HELZ: variants seen among roughly 807,000 people sequenced by gnomAD.
HELZ encodes the protein ATP-dependent RNA helicase with zinc finger domain.
In HELZ, 23 loss-of-function variants were observed where a neutral mutation model predicts 218.2. The observed-to-expected ratio is 0.11, with a 90% CI of 0.08 to 0.15. The LOEUF is 0.15. Ranked by LOEUF, HELZ falls within the 10% of genes least tolerant of loss-of-function variation. The pLI is 1.00. For synonymous variants in HELZ, 814 were observed against 829.4 expected (o/e 0.98, Z 0.32); for missense variants, 1,813 against 2,353.7 (o/e 0.77, Z 4.75).
At chr17:67,088,566 G>A (rs2036462770) in intron 31 of HELZ, among the ~76,000 whole-genome samples, 1 of 152,196 alleles carries the variant, frequency 6.6e-6, no homozygotes. Context: ...GTGCGGAGAG[G>A]CAGGAAAGCC....
chr17:67,119,605 T>C (rs1332022178), intron 27 of HELZ, among the ~76,000 whole-genome samples: 2 of 152,168 alleles, frequency 1.3e-5, no homozygotes, highest in African/African-American at 4.8e-5. Flanking sequence ...AAGGGTGAAT[T>C]TTACTGTATA....
intron 28 of HELZ, 122 bp from the exon 29 acceptor site, chr17:67,109,808 T>G (rs1388890216): frequency 1.5e-6 from 1 of 654,252 alleles, no homozygotes; most frequent in Non-Finnish European, 2.5e-6. Flanking sequence ...GCAGGAGAGC[T>G]GAGTGCTCAA....
rs116244878 is a variant in HELZ at position 67,135,166 on chromosome 17, G to C, written c.3182+804C>G. Among the ~76,000 whole-genome samples the C allele has an allele frequency of 1.9e-3, 283 of 152,070 alleles. 3 individuals carry two copies. Among genetic ancestry groups the C allele is most frequent in the African/African-American group, 6.4e-3 (267 of 41,478 alleles). ...CTGTTCCTTAAAACTAAAGTCTAAT[G>C]AATACTAATAATGCTACCGAAAGAC... On this transcript the variant is annotated intron_variant, in intron 23 of 32. Transcript: ENST00000358691.
chr17:67,228,031 G>C (rs2040939718), intron 3 of HELZ, among the ~76,000 whole-genome samples: 1 of 151,998 alleles, frequency 6.6e-6, no homozygotes, highest in Admixed American at 6.5e-5. Context: ...TTATACATTT[G>C]CCTATTAGAA....
chr17:67,245,513 A>C, upstream of HELZ: 14 of 985,280 alleles, frequency 1.4e-5, no homozygotes, highest in Non-Finnish European at 1.7e-5. Context: ...GCATTGAATC[A>C]ACCCGAGGTT....
At chr17:67,127,679 T>A (rs752002798) in intron 24 of HELZ, among the ~76,000 whole-genome samples, 7 of 152,088 alleles carry the variant, frequency 4.6e-5, no homozygotes, top group Non-Finnish European at 7.4e-5. Flanking sequence ...AAACCTTGTC[T>A]CTACGAAAAA....
intron 23 of HELZ, among the ~76,000 whole-genome samples, chr17:67,131,151 G>C (rs2037969678): frequency 6.6e-6 from 1 of 152,174 alleles, no homozygotes; most frequent in Non-Finnish European, 1.5e-5. Flanking sequence ...ACCTCTCAAA[G>C]TGCTAGGATT....
At chr17:67,219,456 A>G (rs2040687749) in intron 3 of HELZ, among the ~76,000 whole-genome samples, 1 of 152,258 alleles carries the variant, frequency 6.6e-6, no homozygotes, top group Admixed American at 6.5e-5. Context: ...ATGAACAATT[A>G]CAAAAAAGAC....
chr17:67,097,164 CTGAT>C (rs1204932247), intron 31 of HELZ, among the ~76,000 whole-genome samples: 3 of 152,190 alleles, frequency 2.0e-5, no homozygotes, highest in Non-Finnish European at 4.4e-5. Flanking sequence ...ACACATAACA[CTGAT>C]TGCTCAAAAA....
At position 67,178,963 on chromosome 17, in the gene HELZ, G is replaced by C. The variant is rs768286927; in HGVS notation, c.1163-37C>G. 58 of 1,420,186 alleles carry C rather than the reference G, an allele frequency of 4.1e-5. 1 individual carries two copies. The highest frequency in any genetic ancestry group is 5.4e-5 in the Non-Finnish European group (56 of 1,044,614). The allele number at this position is 1,420,186 out of a possible 1,614,324, so 88.0% of individuals were successfully genotyped here. A position where few individuals can be genotyped will look rare whatever the true frequency, so the allele number is the denominator to read the frequency against. On this transcript the variant is annotated intron_variant, in intron 12 of 32. Transcript: ENST00000358691. ...CAAAAAACACATTTATAAAGAAACAGAACATTAAAATTTTTAAATAACATT... is the reference window on the plus strand; with the variant it reads ...CAAAAAACACATTTATAAAGAAACACAACATTAAAATTTTTAAATAACATT...
In HELZ at chr17:67,192,886, C is replaced by G. The variant is rs548579206; in HGVS notation, c.557+1081G>C. The stretch of plus-strand genomic sequence containing the variant: ...ATTATTAAATTTTGAAAGGTTAGCC[C>G]TTCATTATGAATTATTCATAAATTC... On this transcript the variant is annotated intron_variant, in intron 9 of 32. Coordinates refer to ENST00000358691, the MANE Select transcript of HELZ (RefSeq NM_014877.4). Among the ~76,000 whole-genome samples, 10 of 152,252 alleles carry G rather than the reference C, an allele frequency of 6.6e-5. No homozygotes were observed. In the East Asian group the frequency reaches 1.9e-3, roughly 29 times the overall value.
At chr17:67,177,755 G>A (rs985201577) in intron 13 of HELZ, among the ~76,000 whole-genome samples, 4 of 151,882 alleles carry the variant, frequency 2.6e-5, no homozygotes, top group Admixed American at 6.6e-5. Flanking sequence ...TATTTAATTT[G>A]AAATTAGGTA....
In HELZ at chr17:67,235,054, A is replaced by G. The variant is rs375861393; in HGVS notation, c.-19+4379T>C. Among the ~76,000 whole-genome samples, 7 of 152,288 alleles carry G rather than the reference A, an allele frequency of 4.6e-5. No homozygotes were observed. In the East Asian group the frequency reaches 9.6e-4, roughly 21 times the overall value. On this transcript the variant is annotated intron_variant, in intron 3 of 32. Coordinates refer to ENST00000358691, the MANE Select transcript of HELZ (RefSeq NM_014877.4). ...TTGGGGTGCCCCATTCTCTCTACAG[A>G]TAATTAGTTCCTTGTCAACGGAACA...
rs140603141 is a variant in HELZ at position 67,167,598 on chromosome 17, C to T, written c.1629G>A (p.Lys543=). 2.2e-4 allele frequency: 360 copies of T among 1,614,124 alleles called. 3 individuals are homozygous for T. The East Asian group carries it at 7.8e-3, about 35-fold the overall frequency. The change falls in exon 14 of 33, where the codon AAG becomes AAA. Residue 543 remains lysine (K), a synonymous_variant. Transcript: ENST00000358691. ...CTTTGGTTCCCTGGGTCTGTACTAA[C>T]TTCTGTTTAGGGACTGGTAATAAAT... ...AVYLLPVPKQ[K]LVQTQGTKEK...
At chr17:67,164,887 G>A (rs2039096521) in intron 15 of HELZ, among the ~76,000 whole-genome samples, 1 of 152,146 alleles carries the variant, frequency 6.6e-6, no homozygotes, top group Non-Finnish European at 1.5e-5. Flanking sequence ...GAAATGACAT[G>A]ATTATTTTAG....
chr17:67,120,674 T>C, intron 26 of HELZ, 62 bp from the exon 27 acceptor site: 3 of 1,123,964 alleles, frequency 2.7e-6, no homozygotes. Flanking sequence ...ACTGCTAGAG[T>C]GCTGCTGATT....
chr17:67,086,601 A>T (rs1422053407), intron 32 of HELZ, among the ~76,000 whole-genome samples: 7 of 119,722 alleles, frequency 5.8e-5, no homozygotes, highest in Admixed American at 3.9e-4. Context: ...TACATATATT[A>T]ATATATATAT....
chr17:67,134,399 G>A (rs1288107212), intron 23 of HELZ, among the ~76,000 whole-genome samples: 1 of 150,282 alleles, frequency 6.7e-6, no homozygotes, highest in Non-Finnish European at 1.5e-5. Flanking sequence ...AAAAAAAAAA[G>A]ATACTCTCCC....
Position 67,078,021 on chromosome 17 carries a change from T to A in HELZ, c.*231A>T, listed in dbSNP as rs2143510032. 8.6e-6 allele frequency: 3 copies of A among 347,194 alleles called. No homozygotes were observed. The highest frequency in any genetic ancestry group is 2.1e-5 in the African/African-American group (1 of 46,764). The allele number at this position is 347,194 out of a possible 1,614,324, so 21.5% of individuals were successfully genotyped here. A position where few individuals can be genotyped will look rare whatever the true frequency, so the allele number is the denominator to read the frequency against. On this transcript the variant is annotated 3_prime_UTR_variant, in exon 33 of 33. Coordinates refer to ENST00000358691, the MANE Select transcript of HELZ (RefSeq NM_014877.4). The stretch of plus-strand genomic sequence containing the variant: ...ATGTAACAATACACAAATTTAAAAA[T>A]TTTTTTATTCTACATAAAAGCTGTC...
Sources: allele counts gnomAD v4.1 joint callset (sites outside exome capture counted in the v4.1 genomes callset), GRCh38; gene constraint gnomAD v4.1.1; transcripts MANE v1.5; gene names NCBI Gene and HGNC (gene_info 2026-07-23, HGNC 2026-07-21).